The following CD47 variants were observed in gnomAD, a reference collection of about 807,000 sequenced individuals.
CD47 encodes the protein leukocyte surface antigen CD47.
Under a neutral mutation model 44.6 loss-of-function variants are expected in CD47, and 11 were observed. That is an observed-to-expected ratio of 0.25 (90% CI 0.16 to 0.41). The LOEUF (loss-of-function observed/expected upper bound fraction) is 0.41, where lower values mean the gene tolerates loss of function less well. Ranked by LOEUF, CD47 falls within the 10% of genes least tolerant of loss-of-function variation. CD47 has a pLI of 1.00. For synonymous variants in CD47, 140 were observed against 136.3 expected (o/e 1.03, Z -0.19); for missense variants, 306 against 386.7 (o/e 0.79, Z 1.75).
intron 1 of CD47, among the ~76,000 whole-genome samples, chr3:108,088,864 G>A (rs887170239): frequency 1.3e-5 from 2 of 152,194 alleles, no homozygotes; most frequent in African/African-American, 4.8e-5. Flanking sequence ...GTAATTGCAT[G>A]AAATGAGTAT....
At chr3:108,058,528 A>G in intron 5 of CD47, 99 bp from the exon 6 acceptor site, 2 of 698,696 alleles carry the variant, frequency 2.9e-6, no homozygotes, top group South Asian at 2.1e-5. Flanking sequence ...TCCTAAGACC[A>G]AAGACTGACT....
At position 108,080,126 on chromosome 3, in the gene CD47, A is replaced by C. The variant is rs2079388867; in HGVS notation, c.265T>G (p.Ser89Ala). Residue 89 changes from serine to alanine, a missense_variant, in exon 2 of 11, where the codon TCA (serine) becomes GCA (alanine). By Grantham distance (99) the Ser-to-Ala change is moderately conservative. Coordinates refer to ENST00000361309, the MANE Select transcript of CD47 (RefSeq NM_001777.4). ...TDFSSAKIEV[S>A]QLLKGDASLK... ...GAGGCATCTCCTTTTAGTAATTGTGAGACTTCAATTTTTGCACTACTAAAG... is the reference window on the plus strand; with the variant it reads ...GAGGCATCTCCTTTTAGTAATTGTGCGACTTCAATTTTTGCACTACTAAAG... The C allele has an allele frequency of 6.2e-7, 1 of 1,612,884 alleles. No individual in the cohort carries two copies. Among genetic ancestry groups the C allele is most frequent in the Non-Finnish European group, 8.5e-7 (1 of 1,179,094 alleles).
chr3:108,070,969 A>G, intron 3 of CD47, 124 bp downstream of exon 3: 2 of 548,220 alleles, frequency 3.6e-6, no homozygotes, highest in Non-Finnish European at 6.5e-6. Context: ...TATTCAAATT[A>G]CATACTCATA....
chr3:108,082,027 C>T (rs962772332), intron 1 of CD47, among the ~76,000 whole-genome samples: 2 of 151,872 alleles, frequency 1.3e-5, no homozygotes, highest in African/African-American at 2.4e-5. Context: ...TGAATTATTT[C>T]CCCTGAGAGA....
Position 108,044,209 on chromosome 3 carries a change from G to A in CD47, c.*3079C>T, listed in dbSNP as rs370905742. ...ACTGAGATGGAGGAGTAAACTTATCGTGTTTTGAGCTTTGTTAGTGCAAAT... is the reference window on the plus strand; with the variant it reads ...ACTGAGATGGAGGAGTAAACTTATCATGTTTTGAGCTTTGTTAGTGCAAAT... On this transcript the variant is annotated 3_prime_UTR_variant, in exon 11 of 11. Coordinates refer to ENST00000361309, the MANE Select transcript of CD47 (RefSeq NM_001777.4). 8.5e-5 allele frequency: 13 copies of A among 152,470 alleles called. No homozygotes were observed. The highest frequency in any genetic ancestry group is 2.0e-4 in the Admixed American group (3 of 15,262). The allele number at this position is 152,470 out of a possible 1,614,324, so 9.4% of individuals were successfully genotyped here. A position where few individuals can be genotyped will look rare whatever the true frequency, so the allele number is the denominator to read the frequency against.
At chr3:108,061,940 G>A (rs533660034) in intron 3 of CD47, among the ~76,000 whole-genome samples, 1 of 152,136 alleles carries the variant, frequency 6.6e-6, no homozygotes, top group East Asian at 1.9e-4. Flanking sequence ...CAATAAATAA[G>A]CCCCTAAATG....
At position 108,080,114 on chromosome 3, in the gene CD47, T is replaced by C; in HGVS notation, c.277A>G (p.Lys93Glu). Reference sequence around the variant, plus strand: ...TCCATCTTCAAAGAGGCATCTCCTTTTAGTAATTGTGAGACTTCAATTTTT... The same window carrying C: ...TCCATCTTCAAAGAGGCATCTCCTTCTAGTAATTGTGAGACTTCAATTTTT... ...SAKIEVSQLL[K>E]GDASLKMDKS... Residue 93 changes from lysine to glutamate, a missense_variant, in exon 2 of 11, where the codon AAA becomes GAA. By Grantham distance (56) the Lys-to-Glu change is moderately conservative. Coordinates refer to ENST00000361309, the MANE Select transcript of CD47 (RefSeq NM_001777.4). The C allele has an allele frequency of 1.9e-6, 3 of 1,613,022 alleles. No homozygotes were observed. Among genetic ancestry groups the C allele is most frequent in the African/African-American group, 1.3e-5 (1 of 74,992 alleles).
Position 108,045,618 on chromosome 3 carries a change from C to A in CD47, c.*1670G>T, listed in dbSNP as rs2078709874. 2.0e-5 allele frequency: 3 copies of A among 152,218 alleles called. No individual in the cohort carries two copies. Among genetic ancestry groups the A allele is most frequent in the Non-Finnish European group, 4.4e-5 (3 of 67,976 alleles). The allele number at this position is 152,218 out of a possible 1,614,324, so 9.4% of individuals were successfully genotyped here. On this transcript the variant is annotated 3_prime_UTR_variant, in exon 11 of 11. Transcript: ENST00000361309. ...TGCTCAGTTTTCTGAGAGGCCTCAGCAGGTCATAAATTTAGGTTTGCCATG... is the reference window on the plus strand; with the variant it reads ...TGCTCAGTTTTCTGAGAGGCCTCAGAAGGTCATAAATTTAGGTTTGCCATG...
In CD47 at chr3:108,065,847, A is replaced by C. The variant is rs35032619; in HGVS notation, c.491-4995T>G. Among the ~76,000 whole-genome samples the C allele has an allele frequency of 2.4e-4, 34 of 143,006 alleles. No homozygotes were observed. In the East Asian group the frequency reaches 6.7e-3, roughly 28 times the overall value. The allele number at this position is 143,006 out of a possible 152,430, so 93.8% of individuals were successfully genotyped here. A position where few individuals can be genotyped will look rare whatever the true frequency, so the allele number is the denominator to read the frequency against. ...AAAAAAAAAAAAAAAAAAAAAAAGAATTCACAGTAAACTTAATAACAAAGT... is the reference window on the plus strand; with the variant it reads ...AAAAAAAAAAAAAAAAAAAAAAAGACTTCACAGTAAACTTAATAACAAAGT... On this transcript the variant is annotated intron_variant, in intron 3 of 10. Transcript: ENST00000361309.
intron 5 of CD47, 104 bp from the exon 6 acceptor site, chr3:108,058,533 CTG>C (rs1213495323): frequency 3.0e-6 from 2 of 676,256 alleles, no homozygotes; most frequent in Admixed American, 3.1e-5. Context: ...AGACCAAAGA[CTG>C]ACTCTGGAGT....
At chr3:108,077,764 G>C (rs1443278179) in intron 2 of CD47, among the ~76,000 whole-genome samples, 25 of 152,084 alleles carry the variant, frequency 1.6e-4, no homozygotes, top group Non-Finnish European at 7.4e-5. Flanking sequence ...AACTTGGATA[G>C]ATCTCAAGGG....
At chr3:108,060,343 A>G (rs191443521) in intron 4 of CD47, among the ~76,000 whole-genome samples, 1 of 152,294 alleles carries the variant, frequency 6.6e-6, no homozygotes, top group East Asian at 1.9e-4. Context: ...CTCTAATTCC[A>G]ATGACAAATG....
intron 8 of CD47, chr3:108,051,705 G>C: frequency 1.6e-6 from 1 of 624,618 alleles, no homozygotes; most frequent in Non-Finnish European, 3.1e-6. Flanking sequence ...TTTTGGGTGT[G>C]AGAAGTCAGT....
At chr3:108,089,778 CA>C (rs1389278295) in intron 1 of CD47, among the ~76,000 whole-genome samples, 1 of 152,094 alleles carries the variant, frequency 6.6e-6, no homozygotes, top group African/African-American at 2.4e-5. Context: ...GGCTAATAAT[CA>C]GTTTAAAATC....
intron 1 of CD47, among the ~76,000 whole-genome samples, chr3:108,088,587 G>A (rs2079565595): frequency 6.6e-6 from 1 of 150,918 alleles, no homozygotes; most frequent in Admixed American, 6.6e-5. Flanking sequence ...CTTAGACGAT[G>A]GAAAAAAATT....
Position 108,048,371 on chromosome 3 carries a change from G to GTT in CD47, c.968-1081_968-1080dup, listed in dbSNP as rs146476512. On this transcript the variant is annotated intron_variant, in intron 10 of 10. Coordinates refer to ENST00000361309, the MANE Select transcript of CD47 (RefSeq NM_001777.4). ...TTGTTCACCAATGCATGACTGGAGT[G>GTT]TTTTTTTTTTTTTTTTTTTTTTTTT... Among the ~76,000 whole-genome samples the GTT allele has an allele frequency of 4.2e-3, 332 of 79,580 alleles. 54 individuals carry two copies. Among genetic ancestry groups the GTT allele is most frequent in the African/African-American group, 4.6e-3 (92 of 19,936 alleles). The allele number at this position is 79,580 out of a possible 152,430, so 52.2% of individuals were successfully genotyped here.
chr3:108,051,734 T>G (rs1356723032), intron 8 of CD47: 1 of 660,198 alleles, frequency 1.5e-6, no homozygotes, highest in South Asian at 1.4e-5. Flanking sequence ...AAGAAATCAT[T>G]TATTCCATCC....
chr3:108,058,410 G>C lies in CD47; in HGVS notation c.711C>G (p.Phe237Leu), dbSNP rs1185276142. 6.4e-7 allele frequency: 1 copy of C among 1,564,408 alleles called. No individual in the cohort carries two copies. Among genetic ancestry groups the C allele is most frequent in the Non-Finnish European group, 8.7e-7 (1 of 1,152,444 alleles). Reference sequence around the variant, plus strand: ...CCTGAATAACCAATATGGCAATGACGAAGGAGGTTAATCCAATCGCTGGAG... The same window carrying C: ...CCTGAATAACCAATATGGCAATGACCAAGGAGGTTAATCCAATCGCTGGAG... ...VFSTAIGLTS[F>L]VIAILVIQVI... Residue 237 changes from phenylalanine to leucine, a missense_variant, in exon 6 of 11, where the codon TTC becomes TTG. Phe to Leu is a conservative substitution (Grantham distance 22, BLOSUM62 0). This residue lies in a region of CD47 where 131 missense variants were observed against 135.3 expected (regional missense o/e 0.97). Transcript: ENST00000361309.
rs1219698453 is a variant in CD47 at position 108,044,761 on chromosome 3, G to A, written c.*2527C>T. The A allele has an allele frequency of 6.6e-6, 1 of 152,266 alleles. No homozygotes were observed. Among genetic ancestry groups the A allele is most frequent in the Non-Finnish European group, 1.5e-5 (1 of 68,050 alleles). 9.4% of individuals were successfully genotyped at this position (152,266 alleles called of 1,614,324 possible). On this transcript the variant is annotated 3_prime_UTR_variant, in exon 11 of 11. Transcript: ENST00000361309. ...GAACTGCAAAGGAGAATGTTTTGAAGGAGAAGACAAATAGAATTTGGCAAA... is the reference window on the plus strand; with the variant it reads ...GAACTGCAAAGGAGAATGTTTTGAAAGAGAAGACAAATAGAATTTGGCAAA...
Sources: allele counts gnomAD v4.1 joint callset (sites outside exome capture counted in the v4.1 genomes callset), GRCh38; gene constraint gnomAD v4.1.1; regional missense constraint gnomAD v4.1.1; transcripts MANE v1.5; gene names NCBI Gene and HGNC (gene_info 2026-07-23, HGNC 2026-07-21).